Variants in NXN observed in about 807,000 individuals in gnomAD.
NXN encodes nucleoredoxin.
NXN carries 16 observed loss-of-function variants against 48.6 expected under a neutral mutation model. The observed-to-expected ratio is 0.33, with a 90% CI of 0.22 to 0.50. The LOEUF (loss-of-function observed/expected upper bound fraction) is 0.50. Ranked by LOEUF, NXN falls within the 20% of genes least tolerant of loss-of-function variation. NXN has a pLI of 0.98. For missense variants in NXN, 492 were observed against 605.5 expected, an observed-to-expected ratio of 0.81 and a Z score of 1.97; for synonymous variants, 281 against 269.6, an observed-to-expected ratio of 1.04 and a Z score of -0.41.
chr17:959,090 A>T (rs1057348851), intron 1 of NXN: 22 of 317,404 alleles, frequency 6.9e-5, no homozygotes, highest in Non-Finnish European at 1.2e-4. Context: ...GTGTGGCTGG[A>T]GGCGCGTCGA....
intron 1 of NXN, among the ~76,000 whole-genome samples, chr17:902,454 G>A (rs1196269517): frequency 2.0e-5 from 3 of 152,172 alleles, no homozygotes; most frequent in African/African-American, 7.2e-5. Context: ...GGAGAAGGCA[G>A]TGGAGAGAAA....
chr17:903,326 C>G (rs1276346061), intron 1 of NXN, among the ~76,000 whole-genome samples: 2 of 152,070 alleles, frequency 1.3e-5, no homozygotes, highest in East Asian at 3.9e-4. Context: ...CTGCCTCAGC[C>G]TCCCAAGTAG....
chr17:852,308 C>T (rs949561473), intron 1 of NXN, among the ~76,000 whole-genome samples: 38 of 152,162 alleles, frequency 2.5e-4, no homozygotes, highest in African/African-American at 8.2e-4. Context: ...CAGCCTCAGT[C>T]GGGGCGTCTC....
intron 1 of NXN, among the ~76,000 whole-genome samples, chr17:843,047 AG>A (rs1914459857): frequency 7.6e-6 from 1 of 131,416 alleles, no homozygotes; most frequent in Non-Finnish European, 1.6e-5. Context: ...AAAGAAAGAA[AG>A]AAAGAAAGAA....
At chr17:811,379 G>A (rs73285787) in intron 5 of NXN, among the ~76,000 whole-genome samples, 1,860 of 152,334 alleles carry the variant, frequency 0.012, 31 homozygotes, top group African/African-American at 0.039. Flanking sequence ...CCTGGCAGCC[G>A]AGGATGACTC....
intron 5 of NXN, among the ~76,000 whole-genome samples, chr17:810,819 G>A (rs1334026434): frequency 3.9e-5 from 6 of 152,114 alleles, no homozygotes; most frequent in Non-Finnish European, 7.4e-5. Flanking sequence ...AACGCGGGAG[G>A]CAGAGCTTGC....
At chr17:822,507 C>G in intron 3 of NXN, 50 bp from the exon 4 acceptor site, 20 of 1,380,022 alleles carry the variant, frequency 1.4e-5, no homozygotes, top group Non-Finnish European at 2.0e-5. Context: ...TTCTCCACCT[C>G]CCAGCCACTC....
At chr17:908,735 G>A (rs1157875881) in intron 1 of NXN, among the ~76,000 whole-genome samples, 1 of 152,050 alleles carries the variant, frequency 6.6e-6, no homozygotes, top group African/African-American at 2.4e-5. Flanking sequence ...AAGACTACAG[G>A]TGCCATTAGG....
At chr17:965,101 G>C (rs2069286426) in intron 1 of NXN, among the ~76,000 whole-genome samples, 1 of 152,148 alleles carries the variant, frequency 6.6e-6, no homozygotes, top group Non-Finnish European at 1.5e-5. Context: ...TATCTAGCCA[G>C]CTATTTCCAC....
chr17:803,353 C>G (rs1203432559), intron 7 of NXN, among the ~76,000 whole-genome samples: 2 of 152,202 alleles, frequency 1.3e-5, no homozygotes, highest in East Asian at 3.8e-4. Flanking sequence ...TGTAAAGACT[C>G]AAGGGCCTGG....
intron 1 of NXN, among the ~76,000 whole-genome samples, chr17:885,912 T>C (rs1221653916): frequency 6.6e-6 from 1 of 151,604 alleles, no homozygotes; most frequent in Non-Finnish European, 1.5e-5. Context: ...ATGGTCTCGA[T>C]CTCCTGACCT....
In NXN at chr17:805,078, G is replaced by C. The variant is rs1911415228; in HGVS notation, c.990C>G (p.Val330=). The C allele has an allele frequency of 6.3e-7, 1 of 1,596,628 alleles. No individual in the cohort carries two copies. The change falls in exon 6 of 8, where the codon GTC becomes GTG. Residue 330 remains valine, a synonymous_variant. Transcript: ENST00000336868. ...CCGTGAGCTTCATACCTACAAAAAG[G>C]ACGAGGCAGGGGCCCTCGTTAAGCT... is the stretch of plus-strand genomic sequence containing the variant. ...AAQLNEGPCL[V]LFVDSEDDGE...
chr17:905,254 A>AATATATAT (rs57643437), intron 1 of NXN: 5 of 128,612 alleles, frequency 3.9e-5, no homozygotes, highest in South Asian at 2.5e-4. Flanking sequence ...TGTAAATGTA[A>AATATATAT]ATATATATAT....
chr17:893,293 A>G (rs1017915370), intron 1 of NXN, among the ~76,000 whole-genome samples: 1 of 152,200 alleles, frequency 6.6e-6, no homozygotes, highest in African/African-American at 2.4e-5. Context: ...TCTGGGGGAT[A>G]ATCTTTTTAG....
intron 1 of NXN, among the ~76,000 whole-genome samples, chr17:950,035 C>A (rs1176209720): frequency 6.6e-6 from 1 of 152,132 alleles, no homozygotes; most frequent in East Asian, 1.9e-4. Flanking sequence ...TAAGAAATCA[C>A]TTTTTTAAAA....
chr17:973,805 G>A (rs772577705), intron 1 of NXN, among the ~76,000 whole-genome samples: 4 of 151,600 alleles, frequency 2.6e-5, no homozygotes, highest in Non-Finnish European at 5.9e-5. Context: ...TCAGCCTCCC[G>A]AGTAGCTGGG....
At chr17:957,865 T>C (rs1327109039) in intron 1 of NXN, among the ~76,000 whole-genome samples, 2 of 152,080 alleles carry the variant, frequency 1.3e-5, no homozygotes, top group African/African-American at 4.8e-5. Flanking sequence ...ACCCCCGCAG[T>C]CAGCTTCTCA....
At chr17:946,094 C>T (rs1191829856) in intron 1 of NXN, among the ~76,000 whole-genome samples, 1 of 151,664 alleles carries the variant, frequency 6.6e-6, no homozygotes, top group African/African-American at 2.4e-5. Context: ...AACTAAAAGA[C>T]AAGGAGTTGA....
chr17:837,955 A>G (rs1474703087), intron 1 of NXN, among the ~76,000 whole-genome samples: 7 of 152,080 alleles, frequency 4.6e-5, no homozygotes, highest in Middle Eastern at 3.4e-3. Flanking sequence ...CAACATGTCC[A>G]CTCTGATTCC....
Sources: allele counts gnomAD v4.1 joint callset (sites outside exome capture counted in the v4.1 genomes callset), GRCh38; gene constraint gnomAD v4.1.1; transcripts MANE v1.5; gene names NCBI Gene and HGNC (gene_info 2026-07-23, HGNC 2026-07-21).